USP35: variants seen among roughly 807,000 people sequenced by gnomAD.
The protein encoded by USP35 is ubiquitin specific peptidase 35.
Under a neutral mutation model 83.8 loss-of-function variants are expected in USP35, and 69 were observed. That is an observed-to-expected ratio of 0.82 (90% CI 0.68 to 1.01). The LOEUF (loss-of-function observed/expected upper bound fraction) is 1.01. Among genes scored for constraint, USP35 ranks in the 50% least tolerant of loss-of-function variants. The pLI, the probability that USP35 is intolerant of heterozygous loss-of-function variation, is 0.00. For missense variants in USP35, 1,503 were observed against 1,362.5 expected, an observed-to-expected ratio of 1.10 and a Z score of -1.62; for synonymous variants, 714 against 589.5, an observed-to-expected ratio of 1.21 and a Z score of -3.06.
the USP35 span, chr11:78,226,418 G>T: frequency 6.9e-7 from 1 of 1,441,652 alleles, no homozygotes. Flanking sequence ...GAGAACCCCT[G>T]TGTTACCTCC....
At chr11:78,231,673 T>G in the USP35 span, 2 of 152,318 alleles carry the variant, frequency 1.3e-5, no homozygotes, top group Admixed American at 1.3e-4. Context: ...AAAATGGTTT[T>G]CTAGTTTTTC....
At position 78,196,406 on chromosome 11, in the gene USP35, A is replaced by T; in HGVS notation, c.161A>T (p.Glu54Val). The T allele has an allele frequency of 2.2e-6, 3 of 1,344,086 alleles. No individual in the cohort carries two copies. The highest frequency in any genetic ancestry group is 2.8e-6 in the Non-Finnish European group (3 of 1,054,270). 83.3% of individuals were successfully genotyped at this position (1,344,086 alleles called of 1,614,324 possible). A position where few individuals can be genotyped will look rare whatever the true frequency, so the allele number is the denominator to read the frequency against. ...LGARLYVGGA[E>V]ELPRRVGCQL... ...GCGCGCCTCTACGTGGGCGGCGCGG[A>T]GGAGCTGCCGCGCCGCGTGGGCTGC... is the stretch of plus-strand genomic sequence containing the variant. The change falls in exon 2 of 11, where the codon GAG (glutamate) becomes GTG (valine). Residue 54 changes from glutamate (E) to valine (V), a missense_variant. Transcript: ENST00000529308. The surrounding 1 kb of genome is among the most constrained non-coding windows in gnomAD (Gnocchi z 4.8).
At position 78,196,151 on chromosome 11, in the gene USP35, C is replaced by G; in HGVS notation, c.-10-85C>G. 6.8e-7 allele frequency: 1 copy of G among 1,464,214 alleles called. No individual in the cohort carries two copies. Among genetic ancestry groups the G allele is most frequent in the Non-Finnish European group, 8.9e-7 (1 of 1,117,594 alleles). The allele number at this position is 1,464,214 out of a possible 1,614,324, so 90.7% of individuals were successfully genotyped here. A position where few individuals can be genotyped will look rare whatever the true frequency, so the allele number is the denominator to read the frequency against. ...GCCCAGAAAGTTTGAGTTGCTTGCC[C>G]TAAGTCTCAGCACTCGGGGACTGCA... is the stretch of plus-strand genomic sequence containing the variant. On this transcript the variant is annotated intron_variant, in intron 1 of 10. Transcript: ENST00000529308. This position sits in a 1 kb window ranked among gnomAD's most constrained non-coding sequence, Gnocchi z 4.8.
intron 7 of USP35, 106 bp from the exon 8 acceptor site, chr11:78,207,424 C>G (rs1863563791): frequency 3.6e-6 from 4 of 1,109,946 alleles, no homozygotes; most frequent in Middle Eastern, 2.1e-4. Flanking sequence ...GCAGAAATGT[C>G]TGTTCTGCCT....
the USP35 span, chr11:78,225,301 C>G: frequency 1.4e-6 from 1 of 726,732 alleles, no homozygotes; most frequent in Non-Finnish European, 2.4e-6. Flanking sequence ...TACTGATACT[C>G]CAGAAGATAC....
chr11:78,205,742 G>C (rs761079422), intron 6 of USP35, 100 bp from the exon 7 acceptor site: 20 of 1,340,850 alleles, frequency 1.5e-5, no homozygotes, highest in Non-Finnish European at 1.7e-5. Context: ...GGGAGGCCTT[G>C]GGGTTGGCTG....
At position 78,214,374 on chromosome 11, in the gene USP35, GT is replaced by G. The variant is rs113474855; in HGVS notation, c.*565del. On this transcript the variant is annotated 3_prime_UTR_variant, in exon 11 of 11. Transcript: ENST00000529308. ...CCCCCTTACCAAGCGCCACTGCATG[GT>G]TTTGGGGGGGGGGGCGGGGGGCTAG... is the stretch of plus-strand genomic sequence containing the variant. The G allele has an allele frequency of 0.13, 7,549 of 59,682 alleles. 1,821 individuals are homozygous for G. Among genetic ancestry groups the G allele is most frequent in the African/African-American group, 0.36 (6,971 of 19,350 alleles). The allele number at this position is 59,682 out of a possible 1,614,324, so 3.7% of individuals were successfully genotyped here. A position where few individuals can be genotyped will look rare whatever the true frequency, so the allele number is the denominator to read the frequency against.
intron 6 of USP35, among the ~76,000 whole-genome samples, chr11:78,202,717 G>A (rs12280617): frequency 0.024 from 3,627 of 152,280 alleles, 142 homozygotes; most frequent in African/African-American, 0.084. Context: ...AATGGAAGGG[G>A]CTGCCATGAT....
intron 5 of USP35, 67 bp downstream of exon 5, chr11:78,200,301 A>G (rs188252109): frequency 9.2e-6 from 14 of 1,519,726 alleles, no homozygotes; most frequent in African/African-American, 8.3e-5. Flanking sequence ...GGCCCTGCCT[A>G]CTGCCCCTGG....
At chr11:78,229,851 C>T in the USP35 span, among the ~76,000 whole-genome samples, 1 of 152,162 alleles carries the variant, frequency 6.6e-6, no homozygotes, top group African/African-American at 2.4e-5. Flanking sequence ...GGCTTCTTAC[C>T]TCAATCTGGC....
chr11:78,224,987 T>G, the USP35 span: 1 of 660,388 alleles, frequency 1.5e-6, no homozygotes, highest in Non-Finnish European at 2.7e-6. Flanking sequence ...GACAAGAACT[T>G]GGGCAGGGTC....
At chr11:78,218,264 C>G (rs1342493590), downstream of USP35, 2 of 154,026 alleles carry the variant, frequency 1.3e-5, no homozygotes, top group Non-Finnish European at 2.9e-5. Context: ...GGGTTCCCCT[C>G]AGTCCCTGCA....
chr11:78,199,415 G>T lies in USP35; in HGVS notation c.807-180G>T. On this transcript the variant is annotated intron_variant, in intron 3 of 10. Transcript: ENST00000529308. ...TGGGAGCCTCAGTGTCTGGCAGGTG[G>T]CTGTGCTGGGCTTGTGCATTTCCCA... is the stretch of plus-strand genomic sequence containing the variant. 6.9e-6 allele frequency: 6 copies of T among 868,126 alleles called. No homozygotes were observed. The South Asian group carries it at 1.0e-4, about 15-fold the overall frequency. The allele number at this position is 868,126 out of a possible 1,614,324, so 53.8% of individuals were successfully genotyped here. A position where few individuals can be genotyped will look rare whatever the true frequency, so the allele number is the denominator to read the frequency against.
chr11:78,236,885 T>C, the USP35 span, among the ~76,000 whole-genome samples: 1 of 152,228 alleles, frequency 6.6e-6, no homozygotes, highest in East Asian at 1.9e-4. Context: ...AATATATATA[T>C]TGTCCCAAAC....
downstream of USP35, among the ~76,000 whole-genome samples, chr11:78,220,023 T>A (rs1864341177): frequency 6.6e-6 from 1 of 152,170 alleles, no homozygotes; most frequent in South Asian, 2.1e-4. Context: ...GCTGATTCAC[T>A]TTGTAACCTT....
At chr11:78,235,751 G>C in the USP35 span, among the ~76,000 whole-genome samples, 1 of 152,124 alleles carries the variant, frequency 6.6e-6, no homozygotes, top group Admixed American at 6.6e-5. Flanking sequence ...GGACCTTATT[G>C]TCCATATCGC....
intron 5 of USP35, 109 bp downstream of exon 5, chr11:78,200,343 G>C: frequency 1.5e-6 from 2 of 1,330,388 alleles, no homozygotes; most frequent in Non-Finnish European, 1.1e-6. Context: ...CTGGGCTCTT[G>C]GGGCAGGTCA....
At position 78,210,106 on chromosome 11, in the gene USP35, C is replaced by T. The variant is rs200425386; in HGVS notation, c.2251C>T (p.Arg751Trp). Residue 751 changes from arginine to tryptophan, a missense_variant, in exon 10 of 11, where the codon CGG (arginine) becomes TGG (tryptophan). Physicochemically the swap from Arg to Trp is moderately radical, Grantham distance 101. Transcript: ENST00000529308. ...GGATGCTGCCATCCCCTCCGGGGAGCGGACATGTGGCTCTGAGGGCTCCCG... is the reference window on the plus strand; with the variant it reads ...GGATGCTGCCATCCCCTCCGGGGAGTGGACATGTGGCTCTGAGGGCTCCCG... ...HPDAAIPSGE[R>W]TCGSEGSRSV... 1.1e-4 allele frequency: 171 copies of T among 1,613,738 alleles called. No homozygotes were observed. The highest frequency in any genetic ancestry group is 1.3e-4 in the Non-Finnish European group (153 of 1,179,898).
intron 3 of USP35, 45 bp downstream of exon 3, chr11:78,198,113 C>G (rs781481648): frequency 3.7e-6 from 6 of 1,610,356 alleles, no homozygotes; most frequent in Non-Finnish European, 5.1e-6. Context: ...GGGCCCCTCC[C>G]TCTCTTCCTC....
Sources: gnomAD v4.1 joint callset for allele counts (sites outside exome capture counted in the v4.1 genomes callset) on GRCh38, gnomAD v4.1.1 for gene constraint, Gnocchi (gnomAD v3.1) non-coding constraint, MANE v1.5 for transcripts, NCBI Gene and HGNC (gene_info 2026-07-23, HGNC 2026-07-21) for gene names.